Variants in MAD1L1 observed in about 807,000 individuals in gnomAD.
MAD1L1 encodes mitotic arrest deficient 1 like 1, also known as mitotic spindle assembly checkpoint protein MAD1.
In MAD1L1, 95 loss-of-function variants were observed where a neutral mutation model predicts 96.9. That is an observed-to-expected ratio of 0.98 (90% CI 0.83 to 1.16). The LOEUF (loss-of-function observed/expected upper bound fraction) is 1.16, where lower values mean the gene tolerates loss of function less well. Ranked by LOEUF, MAD1L1 falls within the 50% of genes most tolerant of loss-of-function variation. MAD1L1 has a pLI of 0.00. For synonymous variants in MAD1L1, 473 were observed against 396.6 expected, an observed-to-expected ratio of 1.19 and a Z score of -2.29; for missense variants, 1,007 against 954.4, an observed-to-expected ratio of 1.06 and a Z score of -0.73.
At chr7:2,173,034 G>C (rs111380135) in intron 10 of MAD1L1, among the ~76,000 whole-genome samples, 1 of 152,156 alleles carries the variant, frequency 6.6e-6, no homozygotes, top group Non-Finnish European at 1.5e-5. Context: ...CGTATTCCTC[G>C]TGAAGTTACA....
intron 11 of MAD1L1, among the ~76,000 whole-genome samples, chr7:2,115,062 G>C (rs1787594670): frequency 6.6e-6 from 1 of 152,222 alleles, no homozygotes; most frequent in Non-Finnish European, 1.5e-5. Flanking sequence ...GGAGGCGCCA[G>C]CTCAGTCTGT....
At chr7:2,068,232 C>T (rs552263116) in intron 12 of MAD1L1, among the ~76,000 whole-genome samples, 17 of 152,346 alleles carry the variant, frequency 1.1e-4, no homozygotes, top group Non-Finnish European at 1.3e-4. Context: ...GTTCCGGGTG[C>T]CCACACAGTC....
intron 11 of MAD1L1, among the ~76,000 whole-genome samples, chr7:2,076,382 G>A (rs1785375098): frequency 6.6e-6 from 1 of 152,208 alleles, no homozygotes; most frequent in African/African-American, 2.4e-5. Flanking sequence ...CCTCTGCCCT[G>A]TGAGGACAGG....
chr7:1,869,265 C>A (rs1038110174), intron 18 of MAD1L1, among the ~76,000 whole-genome samples: 21 of 152,026 alleles, frequency 1.4e-4, no homozygotes, highest in African/African-American at 4.6e-4. Flanking sequence ...GTGGAGAGCA[C>A]CCCTTGCCTG....
intron 11 of MAD1L1, among the ~76,000 whole-genome samples, chr7:2,090,595 C>G (rs1786158176): frequency 6.6e-6 from 1 of 152,218 alleles, no homozygotes; most frequent in African/African-American, 2.4e-5. Context: ...AGTTGCCACA[C>G]CTCCTGAGTC....
intron 11 of MAD1L1, 101 bp downstream of exon 11, chr7:2,149,051 G>A: frequency 7.9e-6 from 8 of 1,012,324 alleles, no homozygotes; most frequent in South Asian, 6.8e-5. Flanking sequence ...ACATGATGAA[G>A]GACAGCCATC....
intron 12 of MAD1L1, among the ~76,000 whole-genome samples, chr7:2,067,767 C>T (rs1784947147): frequency 6.6e-6 from 1 of 152,250 alleles, no homozygotes; most frequent in Non-Finnish European, 1.5e-5. Flanking sequence ...CACACACTTT[C>T]GCAAAGGGGA....
chr7:1,930,992 C>A (rs570940874), intron 17 of MAD1L1, among the ~76,000 whole-genome samples: 2 of 151,386 alleles, frequency 1.3e-5, no homozygotes, highest in Non-Finnish European at 2.9e-5. Context: ...AGCCTACCCA[C>A]GGTCACAGGA....
At chr7:2,232,773 G>A (rs1794277284) in intron 1 of MAD1L1, 99 bp downstream of exon 1, 1 of 152,122 alleles carries the variant, frequency 6.6e-6, no homozygotes, top group Non-Finnish European at 1.5e-5. Context: ...GCCCCACCCT[G>A]GCGAGCACAC....
At position 2,037,815 on chromosome 7, in the gene MAD1L1, A is replaced by G. The variant is rs554084755; in HGVS notation, c.1219-23173T>C. On this transcript the variant is annotated intron_variant, in intron 12 of 18. Transcript: ENST00000265854. ...GCCTCTCTATTCCCTGGGCGACACAACAGTATTAAAATCAGGCCAATTAAT... is the reference window on the plus strand; with the variant it reads ...GCCTCTCTATTCCCTGGGCGACACAGCAGTATTAAAATCAGGCCAATTAAT... 2.6e-5 allele frequency among the ~76,000 whole-genome samples: 4 copies of G among 152,228 alleles called. No homozygotes were observed. In the East Asian group the frequency reaches 5.8e-4, roughly 22 times the overall value.
intron 14 of MAD1L1, among the ~76,000 whole-genome samples, chr7:1,986,376 A>T (rs545574978): frequency 1.1e-5 from 1 of 90,934 alleles, no homozygotes; most frequent in South Asian, 3.7e-4. Context: ...TTGGAACCAC[A>T]CGCCAGTCCA....
intron 17 of MAD1L1, among the ~76,000 whole-genome samples, chr7:1,923,461 A>AC (rs1788912275): frequency 7.5e-6 from 1 of 133,372 alleles, no homozygotes; most frequent in African/African-American, 2.8e-5. Flanking sequence ...GCACCCTGGC[A>AC]CCCCCGCGCT....
chr7:2,066,856 G>A (rs1054193647), intron 12 of MAD1L1, among the ~76,000 whole-genome samples: 11 of 152,236 alleles, frequency 7.2e-5, no homozygotes, highest in Non-Finnish European at 2.9e-5. Flanking sequence ...CAGCACACAA[G>A]AACACTCAGG....
chr7:2,184,467 A>T (rs1378900077), intron 10 of MAD1L1, among the ~76,000 whole-genome samples: 4 of 152,204 alleles, frequency 2.6e-5, no homozygotes, highest in African/African-American at 4.8e-5. Flanking sequence ...GGAGCATAAA[A>T]TCATACCACC....
chr7:1,956,452 A>G (rs1490254130), intron 16 of MAD1L1, among the ~76,000 whole-genome samples: 1 of 152,214 alleles, frequency 6.6e-6, no homozygotes, highest in East Asian at 1.9e-4. Context: ...CGAGGTCACC[A>G]TATCACGGCA....
chr7:2,105,095 G>C (rs919076527), intron 11 of MAD1L1, among the ~76,000 whole-genome samples: 2 of 152,216 alleles, frequency 1.3e-5, no homozygotes, highest in African/African-American at 2.4e-5. Flanking sequence ...TCTGAAAAGA[G>C]GTCTGCCGGG....
intron 11 of MAD1L1, among the ~76,000 whole-genome samples, chr7:2,129,413 C>T (rs1432618638): frequency 1.3e-5 from 2 of 152,230 alleles, no homozygotes; most frequent in Non-Finnish European, 2.9e-5. Context: ...AGCCACCCAG[C>T]AGGCTCACGG....
At chr7:1,973,198 G>A (rs990500660) in intron 15 of MAD1L1, among the ~76,000 whole-genome samples, 4 of 152,228 alleles carry the variant, frequency 2.6e-5, no homozygotes, top group African/African-American at 7.2e-5. Flanking sequence ...CAGTCGTGGA[G>A]GCTGAGGTGT....
intron 18 of MAD1L1, among the ~76,000 whole-genome samples, chr7:1,873,309 T>C (rs984352689): frequency 3.9e-5 from 6 of 152,032 alleles, no homozygotes; most frequent in African/African-American, 1.4e-4. Context: ...GGGGCCTCAA[T>C]GGGCTAGAGA....
Sources: gnomAD v4.1 joint callset for allele counts (sites outside exome capture counted in the v4.1 genomes callset) on GRCh38, gnomAD v4.1.1 for gene constraint, MANE v1.5 for transcripts, NCBI Gene and HGNC (gene_info 2026-07-23, HGNC 2026-07-21) for gene names.